RCOR1: variants seen among roughly 807,000 people sequenced by gnomAD.
The protein encoded by RCOR1 is REST corepressor.
RCOR1 carries 12 observed loss-of-function variants against 64.0 expected under a neutral mutation model. That is an observed-to-expected ratio of 0.19 (90% CI 0.12 to 0.30). The LOEUF (loss-of-function observed/expected upper bound fraction) is 0.30, where lower values mean the gene tolerates loss of function less well. Among genes scored for constraint, RCOR1 ranks in the 10% least tolerant of loss-of-function variants. RCOR1 has a pLI of 1.00. For synonymous variants in RCOR1, 279 were observed against 227.2 expected, an observed-to-expected ratio of 1.23 and a Z score of -2.05; for missense variants, 502 against 621.2, an observed-to-expected ratio of 0.81 and a Z score of 2.04.
At chr14:102,693,203 T>C (rs1895572354) in intron 3 of RCOR1, among the ~76,000 whole-genome samples, 1 of 152,234 alleles carries the variant, frequency 6.6e-6, no homozygotes, top group East Asian at 1.9e-4. Flanking sequence ...TTCTCAATTA[T>C]GTGCATTCAT....
Position 102,593,286 on chromosome 14 carries a change from G to T in RCOR1, c.322G>T (p.Gly108Ter). 2 of 1,543,436 alleles carry T rather than the reference G, an allele frequency of 1.3e-6. No individual in the cohort carries two copies. Among genetic ancestry groups the T allele is most frequent in the Admixed American group, 2.0e-5 (1 of 50,908 alleles). The change falls in exon 2 of 12, where the codon GGA (glycine) becomes TGA (stop). Residue 108 changes from glycine (G) to a stop codon, truncating the protein, a stop_gained. Transcript: ENST00000262241. LOFTEE classifies it high-confidence loss of function. ...CGCAGGTGGCGGTGGCATGAGGGTC[G>T]GACCCCAGTACCAGGCGGTGGTGCC... ...EEHGGGGMRV[G>*]PQYQAVVPDF... is the part of the protein sequence containing the mutation.
chr14:102,708,361 A>G (rs1053743952), intron 5 of RCOR1, 104 bp from the exon 6 acceptor site: 2 of 685,700 alleles, frequency 2.9e-6, no homozygotes, highest in Admixed American at 4.1e-5. Context: ...TAGCCACCCA[A>G]AGTGCTGGGA....
At chr14:102,709,277 TC>T (rs375928525) in intron 6 of RCOR1, among the ~76,000 whole-genome samples, 143 of 152,312 alleles carry the variant, frequency 9.4e-4, no homozygotes, top group African/African-American at 3.3e-3. Flanking sequence ...TCAACATGCG[TC>T]TTCCCCAAGC....
chr14:102,631,112 G>A (rs539225556), intron 2 of RCOR1, among the ~76,000 whole-genome samples: 3 of 152,138 alleles, frequency 2.0e-5, no homozygotes, highest in South Asian at 2.1e-4. Flanking sequence ...ACATTTCCCC[G>A]ATGACTTTGT....
chr14:102,676,666 C>G (rs1205267882), intron 2 of RCOR1, among the ~76,000 whole-genome samples: 3 of 111,986 alleles, frequency 2.7e-5, no homozygotes, highest in Non-Finnish European at 5.6e-5. Context: ...GACGGGGCGG[C>G]TGGCTGGGCG....
chr14:102,650,214 A>AAG (rs1894557463), intron 2 of RCOR1, among the ~76,000 whole-genome samples: 3 of 148,854 alleles, frequency 2.0e-5, no homozygotes, highest in Non-Finnish European at 4.5e-5. Context: ...AAAAAAAAAA[A>AAG]GAATCATAGT....
intron 2 of RCOR1, among the ~76,000 whole-genome samples, chr14:102,595,781 G>C (rs1295708191): frequency 6.6e-6 from 1 of 151,786 alleles, no homozygotes; most frequent in Admixed American, 6.6e-5. Context: ...GGGTTTCACC[G>C]TGTCAGCCAG....
intron 7 of RCOR1, among the ~76,000 whole-genome samples, chr14:102,713,305 C>T (rs1895999191): frequency 6.9e-6 from 1 of 143,954 alleles, no homozygotes; most frequent in Non-Finnish European, 1.5e-5. Flanking sequence ...GTCGCCCAGG[C>T]TGGAGTGCAG....
intron 2 of RCOR1, among the ~76,000 whole-genome samples, chr14:102,632,619 C>CTTTCT (rs1894139225): frequency 3.1e-4 from 10 of 32,492 alleles, no homozygotes; most frequent in Admixed American, 2.7e-3. Context: ...CTATCCTTTC[C>CTTTCT]TTTCCTTTCC....
intron 2 of RCOR1, chr14:102,655,468 G>C (rs1054936353): frequency 1.0e-6 from 1 of 981,150 alleles, no homozygotes; most frequent in African/African-American, 1.8e-5. Flanking sequence ...CTTTATCACA[G>C]TATTTTCCTA....
intron 2 of RCOR1, among the ~76,000 whole-genome samples, chr14:102,680,387 C>T (rs1055653494): frequency 1.3e-5 from 2 of 152,140 alleles, no homozygotes; most frequent in African/African-American, 4.8e-5. Context: ...GGAAATACAG[C>T]AGGACTTATT....
intron 7 of RCOR1, among the ~76,000 whole-genome samples, chr14:102,713,223 A>G (rs949745123): frequency 6.7e-6 from 1 of 149,004 alleles, no homozygotes; most frequent in Admixed American, 6.7e-5. Context: ...TAAAGTGCTG[A>G]GATTACAGCC....
intron 2 of RCOR1, among the ~76,000 whole-genome samples, chr14:102,646,882 C>T (rs1211706749): frequency 6.6e-6 from 1 of 152,016 alleles, no homozygotes; most frequent in Non-Finnish European, 1.5e-5. Flanking sequence ...CGGTTATGTA[C>T]AAGAGAGACA....
intron 3 of RCOR1, among the ~76,000 whole-genome samples, chr14:102,690,264 T>C (rs1595231839): frequency 6.6e-6 from 1 of 152,302 alleles, no homozygotes; most frequent in Middle Eastern, 3.4e-3. Flanking sequence ...AAGTTTAGAG[T>C]AATATGAATA....
At chr14:102,622,990 C>T (rs1893905617) in intron 2 of RCOR1, among the ~76,000 whole-genome samples, 1 of 152,062 alleles carries the variant, frequency 6.6e-6, no homozygotes, top group Non-Finnish European at 1.5e-5. Context: ...TATAGCTATG[C>T]CAGTTTTCTT....
intron 2 of RCOR1, among the ~76,000 whole-genome samples, chr14:102,680,828 G>A (rs564365160): frequency 2.0e-4 from 31 of 152,188 alleles, no homozygotes; most frequent in African/African-American, 7.5e-4. Context: ...CTCAAAGGCG[G>A]TCACTCCATC....
At chr14:102,697,759 TGC>T (rs1039949911) in intron 3 of RCOR1, among the ~76,000 whole-genome samples, 27 of 151,852 alleles carry the variant, frequency 1.8e-4, no homozygotes, top group Admixed American at 5.3e-4. Context: ...CTCGCTCTGT[TGC>T]CCAGGTTGGA....
At chr14:102,690,675 C>T (rs1419045162) in intron 3 of RCOR1, among the ~76,000 whole-genome samples, 1 of 152,186 alleles carries the variant, frequency 6.6e-6, no homozygotes, top group Non-Finnish European at 1.5e-5. Context: ...CTGGTTATTG[C>T]TTAAGTGTCA....
At chr14:102,682,186 G>A (rs1006263898) in intron 3 of RCOR1, among the ~76,000 whole-genome samples, 1 of 152,134 alleles carries the variant, frequency 6.6e-6, no homozygotes, top group Non-Finnish European at 1.5e-5. Flanking sequence ...CTGGAGTGCA[G>A]CAGCACGATC....
Sources: allele counts gnomAD v4.1 joint callset (sites outside exome capture counted in the v4.1 genomes callset), GRCh38; gene constraint gnomAD v4.1.1; transcripts MANE v1.5; gene names NCBI Gene and HGNC (gene_info 2026-07-23, HGNC 2026-07-21).